DLG2: variants seen among roughly 807,000 people sequenced by gnomAD.
The protein encoded by DLG2 is discs large MAGUK scaffold protein 2, also known as disks large homolog 2.
A neutral mutation model predicts 132.5 loss-of-function variants in DLG2; 45 were observed. The ratio of observed to expected loss-of-function variants is 0.34; its 90% CI spans 0.27 to 0.44. DLG2 has a LOEUF of 0.44. Ranked by LOEUF, DLG2 falls within the 20% of genes least tolerant of loss-of-function variation. The pLI is 1.00. For missense variants in DLG2, 1,045 were observed against 1,196.9 expected, an observed-to-expected ratio of 0.87 and a Z score of 1.87; for synonymous variants, 424 against 419.6, an observed-to-expected ratio of 1.01 and a Z score of -0.13.
At chr11:84,955,850 A>C (rs977527442) in intron 6 of DLG2, 1 of 152,230 alleles carries the variant, frequency 6.6e-6, no homozygotes, top group African/African-American at 2.4e-5. Flanking sequence ...AAATGGGTAC[A>C]TTATATCCAT....
chr11:85,557,745 C>A (rs1465819285), intron 3 of DLG2, among the ~76,000 whole-genome samples: 3 of 151,862 alleles, frequency 2.0e-5, no homozygotes, highest in Non-Finnish European at 2.9e-5. Context: ...GCATAGCTGG[C>A]TAGCTATATG....
chr11:84,757,632 T>C (rs914565549), intron 6 of DLG2, among the ~76,000 whole-genome samples: 1 of 152,164 alleles, frequency 6.6e-6, no homozygotes, highest in African/African-American at 2.4e-5. Flanking sequence ...ATGATGGTGA[T>C]GATGATGATT....
chr11:85,016,757 GCTC>G (rs1419341659), intron 6 of DLG2, among the ~76,000 whole-genome samples: 1 of 151,988 alleles, frequency 6.6e-6, no homozygotes, highest in Non-Finnish European at 1.5e-5. Flanking sequence ...GTTGCCTTTA[GCTC>G]CTCATTTTGA....
chr11:84,111,619 A>C (rs1045547665), intron 9 of DLG2, among the ~76,000 whole-genome samples: 3 of 152,224 alleles, frequency 2.0e-5, no homozygotes, highest in African/African-American at 7.2e-5. Context: ...TGAAATTTTA[A>C]TGTAGGAGGG....
intron 6 of DLG2, among the ~76,000 whole-genome samples, chr11:85,017,971 A>C (rs1424231528): frequency 6.6e-6 from 1 of 152,184 alleles, no homozygotes; most frequent in Non-Finnish European, 1.5e-5. Context: ...TTCTCTTGGA[A>C]AACTGATATC....
rs373325643 is a variant in DLG2, at chr11:83,965,464, T to C, written c.1061A>G (p.Asn354Ser). Residue 354 changes from asparagine (N) to serine (S), a missense_variant, in exon 13 of 28, where the codon AAC (asparagine) becomes AGC (serine). Physicochemically the swap from Asn to Ser is conservative, Grantham distance 46. Around this residue, in one of 4 missense-constraint regions of DLG2, gnomAD observed 261 missense variants for 256.1 expected, o/e 1.02. Transcript: ENST00000376104. ...TGTTACTTCTTCTAAACTGTAGTTG[T>C]TTACCTGAAAGGGTGAAAAAGATCA... ...LQVGDRLLMVNNYSLEEVTHE... is the reference protein window; with the variant it reads ...LQVGDRLLMVSNYSLEEVTHE... The C allele has an allele frequency of 6.9e-5, 110 of 1,605,138 alleles. No individual in the cohort carries two copies. The highest frequency in any genetic ancestry group is 2.0e-5 in the Non-Finnish European group (23 of 1,175,672).
chr11:84,110,737 T>C (rs946637295), intron 9 of DLG2, among the ~76,000 whole-genome samples: 2 of 152,296 alleles, frequency 1.3e-5, no homozygotes, highest in South Asian at 2.1e-4. Flanking sequence ...AACTCAAGAA[T>C]AGATTTCAGA....
At chr11:84,107,156 T>C (rs762547983) in intron 9 of DLG2, among the ~76,000 whole-genome samples, 21 of 151,610 alleles carry the variant, frequency 1.4e-4, no homozygotes, top group Non-Finnish European at 2.2e-4. Flanking sequence ...GAAAGGGAGA[T>C]TGAAGGTACA....
intron 8 of DLG2, among the ~76,000 whole-genome samples, chr11:84,222,549 T>C (rs776171141): frequency 1.1e-4 from 17 of 152,336 alleles, no homozygotes; most frequent in Non-Finnish European, 2.1e-4. Context: ...CTATCTAAAA[T>C]CTTTTCTGAG....
chr11:84,052,408 T>C (rs896284603), intron 11 of DLG2, among the ~76,000 whole-genome samples: 2 of 151,828 alleles, frequency 1.3e-5, no homozygotes, highest in South Asian at 4.1e-4. Flanking sequence ...AATATTCTAG[T>C]GCTTTTAAAG....
chr11:85,101,667 G>A (rs968982876), intron 6 of DLG2, among the ~76,000 whole-genome samples: 8 of 151,948 alleles, frequency 5.3e-5, no homozygotes, highest in African/African-American at 1.9e-4. Flanking sequence ...ACAAATTATT[G>A]AATCACCATA....
chr11:84,539,869 C>T (rs1054327063), intron 6 of DLG2, among the ~76,000 whole-genome samples: 1 of 151,980 alleles, frequency 6.6e-6, no homozygotes, highest in African/African-American at 2.4e-5. Context: ...CAGAACAGAG[C>T]CCTCAGAAAT....
intron 7 of DLG2, among the ~76,000 whole-genome samples, chr11:84,384,682 A>G (rs1336890227): frequency 1.3e-5 from 2 of 152,008 alleles, no homozygotes; most frequent in Non-Finnish European, 2.9e-5. Context: ...TATATTAGAA[A>G]GATAACTCCG....
chr11:85,150,745 T>C (rs2077195949), intron 5 of DLG2, among the ~76,000 whole-genome samples: 1 of 136,450 alleles, frequency 7.3e-6, no homozygotes, highest in Non-Finnish European at 1.6e-5. Flanking sequence ...TGTGTGTGTG[T>C]GTGTGTAACA....
chr11:84,800,929 A>G (rs1363464016), intron 6 of DLG2, among the ~76,000 whole-genome samples: 3 of 152,144 alleles, frequency 2.0e-5, no homozygotes, highest in African/African-American at 4.8e-5. Flanking sequence ...TCCCAGGAAT[A>G]TTTTTGCCAC....
At chr11:83,668,848 CACAT>C (rs1448993161) in intron 18 of DLG2, among the ~76,000 whole-genome samples, 1 of 105,090 alleles carries the variant, frequency 9.5e-6, no homozygotes, top group African/African-American at 5.0e-5. Context: ...AACACACACA[CACAT>C]ATATATATAT....
intron 6 of DLG2, among the ~76,000 whole-genome samples, chr11:85,090,090 T>C (rs1412351436): frequency 6.6e-6 from 1 of 152,236 alleles, no homozygotes; most frequent in Non-Finnish European, 1.5e-5. Flanking sequence ...TGTCCTCTTC[T>C]GTTGCAGAGA....
chr11:84,260,616 A>G (rs1026851992), intron 7 of DLG2, among the ~76,000 whole-genome samples: 4 of 152,188 alleles, frequency 2.6e-5, no homozygotes, highest in African/African-American at 9.7e-5. Flanking sequence ...CAAATATGGT[A>G]AGCTTTTTAC....
At chr11:83,930,910 G>A (rs1405198783) in intron 14 of DLG2, among the ~76,000 whole-genome samples, 1 of 152,174 alleles carries the variant, frequency 6.6e-6, no homozygotes, top group Non-Finnish European at 1.5e-5. Context: ...AATACACATA[G>A]TGGAATATAA....
Sources: gnomAD v4.1 joint callset for allele counts (sites outside exome capture counted in the v4.1 genomes callset) on GRCh38, gnomAD v4.1.1 for gene constraint, gnomAD v4.1.1 regional missense constraint, MANE v1.5 for transcripts, NCBI Gene and HGNC (gene_info 2026-07-23, HGNC 2026-07-21) for gene names.